Variants in LEKR1 observed in about 807,000 individuals in gnomAD.
The protein encoded by LEKR1 is protein LEKR1.
LEKR1 carries 59 observed loss-of-function variants against 72.4 expected under a neutral mutation model. The ratio of observed to expected loss-of-function variants is 0.82; its 90% CI spans 0.66 to 1.01. LEKR1 has a LOEUF of 1.01. Among genes scored for constraint, LEKR1 ranks in the 50% least tolerant of loss-of-function variants. The pLI, the probability that LEKR1 is intolerant of heterozygous loss-of-function variation, is 0.00. For synonymous variants in LEKR1, 257 were observed against 263.2 expected, an observed-to-expected ratio of 0.98 and a Z score of 0.23; for missense variants, 728 against 759.2, an observed-to-expected ratio of 0.96 and a Z score of 0.48.
At chr3:157,011,014 A>G (rs1246060507) in intron 9 of LEKR1, among the ~76,000 whole-genome samples, 13 of 152,220 alleles carry the variant, frequency 8.5e-5, no homozygotes, top group South Asian at 4.1e-4. Flanking sequence ...TCCTTTTTTA[A>G]AGAAACCAAA....
At chr3:157,014,826 G>T (rs1490046154) in intron 10 of LEKR1, among the ~76,000 whole-genome samples, 1 of 151,864 alleles carries the variant, frequency 6.6e-6, no homozygotes, top group Admixed American at 6.6e-5. Context: ...TTTCCATTTT[G>T]CACATTAATA....
intron 6 of LEKR1, among the ~76,000 whole-genome samples, chr3:156,975,525 C>T (rs1366189455): frequency 6.6e-6 from 1 of 152,082 alleles, no homozygotes; most frequent in Non-Finnish European, 1.5e-5. Flanking sequence ...AATGTGCCCT[C>T]CAAGTGACTA....
At chr3:156,967,102 G>T (rs544565304) in intron 6 of LEKR1, among the ~76,000 whole-genome samples, 133 of 152,254 alleles carry the variant, frequency 8.7e-4, no homozygotes, top group Non-Finnish European at 1.3e-3. Flanking sequence ...AAACAGAAAG[G>T]ACATCCACAC....
rs1157013317 is a variant in LEKR1 at position 156,876,010 on chromosome 3, A to G, written c.263+23028A>G. 5.9e-5 allele frequency among the ~76,000 whole-genome samples: 9 copies of G among 151,708 alleles called. No homozygotes were observed. The Middle Eastern group carries it at 0.017, about 287-fold the overall frequency. On this transcript the variant is annotated intron_variant, in intron 3 of 12. Coordinates refer to ENST00000356539, the MANE Select transcript of LEKR1 (RefSeq NM_001004316.3). Reference sequence around the variant, plus strand: ...TCCATCTCAAAAAAAAAAAAAAAAAAAAAAAAGAAATGAGGATCCAGTTTT... The same window carrying G: ...TCCATCTCAAAAAAAAAAAAAAAAAGAAAAAAGAAATGAGGATCCAGTTTT...
At position 156,832,184 on chromosome 3, in the gene LEKR1, G is replaced by A. The variant is rs759802608; in HGVS notation, c.48+2807G>A. ...CACAGCTTTCACACAGCACTTAAGT[G>A]AACAGGTGGACTATAAGACAAATAA... On this transcript the variant is annotated intron_variant, in intron 2 of 12. Transcript: ENST00000356539. 5.9e-5 allele frequency among the ~76,000 whole-genome samples: 9 copies of A among 151,822 alleles called. No homozygotes were observed. The South Asian group carries it at 8.3e-4, about 14-fold the overall frequency.
At chr3:157,018,456 T>A (rs189702438) in intron 10 of LEKR1, among the ~76,000 whole-genome samples, 1 of 152,280 alleles carries the variant, frequency 6.6e-6, no homozygotes, top group East Asian at 1.9e-4. Context: ...TTTAAAAGGA[T>A]TCACATCATA....
intron 3 of LEKR1, among the ~76,000 whole-genome samples, chr3:156,915,407 CCAGCAT>C (rs1039014858): frequency 1.3e-5 from 2 of 149,858 alleles, no homozygotes; most frequent in African/African-American, 2.5e-5. Context: ...CATAACCTTG[CCAGCAT>C]CTGTTATTTT....
chr3:156,982,175 G>T (rs1227759655), intron 7 of LEKR1, among the ~76,000 whole-genome samples: 1 of 152,236 alleles, frequency 6.6e-6, no homozygotes, highest in Non-Finnish European at 1.5e-5. Flanking sequence ...TGGGCTGCAA[G>T]TAACAGAGGT....
chr3:156,852,458 T>A (rs1282048583), intron 2 of LEKR1, among the ~76,000 whole-genome samples: 1 of 152,192 alleles, frequency 6.6e-6, no homozygotes, highest in Non-Finnish European at 1.5e-5. Context: ...ACCGGAATTA[T>A]AAAGATTATA....
chr3:156,836,624 C>T (rs951367588), intron 2 of LEKR1, among the ~76,000 whole-genome samples: 2 of 152,166 alleles, frequency 1.3e-5, no homozygotes, highest in African/African-American at 2.4e-5. Flanking sequence ...AAGGTCTCCT[C>T]CTAAGTGAAA....
At position 157,045,680 on chromosome 3, in the gene LEKR1, G is replaced by T; in HGVS notation, c.2009G>T (p.Gly670Val). The stretch of plus-strand genomic sequence containing the variant: ...CCCCAGCCACATCCTCCCAGGGGTG[G>T]AGCATCTTCAGCAAATGAGACTAGA... ...ILPQPHPPRG[G>V]ASSANETRQR... is the part of the protein sequence containing the mutation. Residue 670 changes from glycine to valine, a missense_variant, in exon 13 of 13, where the codon GGA (glycine) becomes GTA (valine). Physicochemically the swap from Gly to Val is moderately radical, Grantham distance 109. Coordinates refer to ENST00000356539, the MANE Select transcript of LEKR1 (RefSeq NM_001004316.3). The T allele has an allele frequency of 6.2e-7, 1 of 1,613,880 alleles. No homozygotes were observed. The highest frequency in any genetic ancestry group is 8.5e-7 in the Non-Finnish European group (1 of 1,180,032).
intron 3 of LEKR1, among the ~76,000 whole-genome samples, chr3:156,890,048 C>G (rs1173726700): frequency 5.3e-5 from 8 of 152,140 alleles, no homozygotes. Context: ...TGAGATGGAT[C>G]TACCTAATAG....
intron 3 of LEKR1, among the ~76,000 whole-genome samples, chr3:156,906,383 G>A (rs999032147): frequency 1.2e-4 from 19 of 152,078 alleles, no homozygotes; most frequent in Admixed American, 1.2e-3. Context: ...TGTTCTCATG[G>A]TTGCATTGGC....
chr3:157,000,004 T>G (rs1413351426), intron 9 of LEKR1, among the ~76,000 whole-genome samples: 1 of 152,198 alleles, frequency 6.6e-6, no homozygotes, highest in Non-Finnish European at 1.5e-5. Flanking sequence ...AAGGGCTAAG[T>G]TTTGTCATCC....
intron 2 of LEKR1, among the ~76,000 whole-genome samples, chr3:156,839,731 A>G (rs1240721599): frequency 6.6e-6 from 1 of 152,216 alleles, no homozygotes; most frequent in Non-Finnish European, 1.5e-5. Context: ...GCTAGATAAT[A>G]TGGCAGAAGG....
At chr3:157,032,886 C>T (rs1367314088) in intron 12 of LEKR1, among the ~76,000 whole-genome samples, 1 of 151,094 alleles carries the variant, frequency 6.6e-6, no homozygotes, top group Non-Finnish European at 1.5e-5. Context: ...ATTTTTTCAA[C>T]TGCATGTGCT....
chr3:156,940,764 A>G (rs1261024106), intron 5 of LEKR1, among the ~76,000 whole-genome samples: 2 of 152,130 alleles, frequency 1.3e-5, no homozygotes, highest in Non-Finnish European at 2.9e-5. Flanking sequence ...TATTCTTTAA[A>G]TGTTAGATAG....
At chr3:156,897,667 C>A (rs991359813) in intron 3 of LEKR1, among the ~76,000 whole-genome samples, 1 of 152,102 alleles carries the variant, frequency 6.6e-6, no homozygotes, top group Non-Finnish European at 1.5e-5. Flanking sequence ...ATTGTAGAAA[C>A]CGGGGCCTGG....
chr3:157,009,805 C>T (rs1350153430), intron 9 of LEKR1, among the ~76,000 whole-genome samples: 1 of 151,850 alleles, frequency 6.6e-6, no homozygotes, highest in Non-Finnish European at 1.5e-5. Flanking sequence ...TCAAGTTTTG[C>T]TTTATATATT....
Sources: gnomAD v4.1 joint callset for allele counts (sites outside exome capture counted in the v4.1 genomes callset) on GRCh38, gnomAD v4.1.1 for gene constraint, MANE v1.5 for transcripts, NCBI Gene and HGNC (gene_info 2026-07-23, HGNC 2026-07-21) for gene names.